MBTPS2: variants seen among roughly 807,000 people sequenced by gnomAD.
The protein encoded by MBTPS2 is membrane bound transcription factor peptidase, site 2.
MBTPS2 carries 2 observed loss-of-function variants against 35.4 expected under a neutral mutation model. That is an observed-to-expected ratio of 0.06 (90% confidence interval 0.02 to 0.18). The LOEUF is 0.18. MBTPS2 is among the 10% of genes least tolerant of loss of function. The pLI is 1.00. For synonymous variants in MBTPS2, 125 were observed against 140.4 expected, an observed-to-expected ratio of 0.89 and a Z score of 0.77; for missense variants, 244 against 386.5, an observed-to-expected ratio of 0.63 and a Z score of 3.09.
chrX:21,864,965 C>T (rs1274015706), intron 5 of MBTPS2, among the ~76,000 whole-genome samples: 1 of 104,313 alleles, frequency 9.6e-6, no homozygotes, highest in Non-Finnish European at 2.0e-5. Context: ...ACTGCAGCCT[C>T]GACCTCCTGG....
rs950072292 is a variant in MBTPS2 at position 21,856,425 on chromosome X, C to T, written c.670+2922C>T. 16 of 1,143,135 alleles carry T rather than the reference C, an allele frequency of 1.4e-5. No homozygotes were observed. In the African/African-American group the frequency reaches 2.3e-4, roughly 17 times the overall value. 94.2% of individuals were successfully genotyped at this position (1,143,135 alleles called of 1,213,427 possible). A position where few individuals can be genotyped will look rare whatever the true frequency, so the allele number is the denominator to read the frequency against. On this transcript the variant is annotated intron_variant, in intron 5 of 10. Coordinates refer to ENST00000379484, the MANE Select transcript of MBTPS2 (RefSeq NM_015884.4). ...TTCCTCTGCAGCTCCCACCTCACTC[C>T]CCTCAGCGTTCTTTTTCCCACGGTC...
intron 4 of MBTPS2, 68 bp downstream of exon 4, chrX:21,851,680 A>G: frequency 4.2e-6 from 3 of 716,167 alleles, no homozygotes; most frequent in Non-Finnish European, 6.8e-6. Context: ...AGGATTTATT[A>G]CTAAAATCTG....
intron 5 of MBTPS2, chrX:21,856,345 T>C (rs866423886): frequency 6.6e-5 from 34 of 517,918 alleles, no homozygotes; most frequent in African/African-American, 5.1e-4. Flanking sequence ...CTCGCGCCTT[T>C]CTCTGCAGCT....
intron 7 of MBTPS2, among the ~76,000 whole-genome samples, chrX:21,874,221 C>T (rs2092950671): frequency 9.4e-6 from 1 of 106,898 alleles, no homozygotes; most frequent in South Asian, 4.2e-4. Flanking sequence ...GACAGGGTTT[C>T]ACCATGTTGG....
intron 5 of MBTPS2, chrX:21,857,092 A>G (rs777965823): frequency 8.3e-7 from 1 of 1,211,956 alleles, no homozygotes; most frequent in Non-Finnish European, 1.1e-6. Flanking sequence ...GGTGAAGGCC[A>G]GGCTGAAAAC....
intron 5 of MBTPS2, among the ~76,000 whole-genome samples, chrX:21,853,926 C>A (rs902047426): frequency 9.0e-6 from 1 of 111,167 alleles, no homozygotes; most frequent in Non-Finnish European, 1.9e-5. Flanking sequence ...AGAGTTCAAT[C>A]AGAGAAACAG....
chrX:21,869,355 A>C, intron 6 of MBTPS2, 143 bp from the exon 7 acceptor site: 2 of 504,609 alleles, frequency 4.0e-6, no homozygotes, highest in Non-Finnish European at 7.0e-6. Flanking sequence ...TTAATTTTCT[A>C]GGACTATGTC....
At chrX:21,873,760 C>T (rs1291644385) in intron 7 of MBTPS2, among the ~76,000 whole-genome samples, 1 of 110,277 alleles carries the variant, frequency 9.1e-6, no homozygotes, top group Admixed American at 9.8e-5. Flanking sequence ...TGAGAGAAGA[C>T]CCTTCTTGAC....
At chrX:21,878,792 T>C (rs1160673287) in intron 9 of MBTPS2, 100 bp downstream of exon 9, 1 of 600,887 alleles carries the variant, frequency 1.7e-6, no homozygotes, top group Non-Finnish European at 2.8e-6. Flanking sequence ...ACATTTATTA[T>C]AAATTTGATC....
At chrX:21,859,006 G>A (rs1212697942) in intron 5 of MBTPS2, among the ~76,000 whole-genome samples, 3 of 109,146 alleles carry the variant, frequency 2.7e-5, no homozygotes, top group African/African-American at 1.0e-4. Flanking sequence ...AGGAGTTCAA[G>A]ACCAGCCTGT....
At chrX:21,846,733 T>C in intron 3 of MBTPS2, among the ~76,000 whole-genome samples, 1 of 111,833 alleles carries the variant, frequency 8.9e-6, no homozygotes, top group East Asian at 2.8e-4. Flanking sequence ...TTACTTACAG[T>C]TTTAAACCTC....
chrX:21,884,584 T>C lies in MBTPS2; in HGVS notation c.*1929T>C, dbSNP rs1293046315. On this transcript the variant is annotated 3_prime_UTR_variant, in exon 11 of 11. Transcript: ENST00000379484. The stretch of plus-strand genomic sequence containing the variant: ...ATAGGATCAGGATTTGGGAACCACT[T>C]TACTAGGAAAGAGCAGATCAGTACC... 1 of 752,476 alleles carries C rather than the reference T, an allele frequency of 1.3e-6. No homozygotes were observed. The highest frequency in any genetic ancestry group is 8.8e-5 in the Admixed American group (1 of 11,329). 62.0% of individuals were successfully genotyped at this position (752,476 alleles called of 1,213,427 possible). A position where few individuals can be genotyped will look rare whatever the true frequency, so the allele number is the denominator to read the frequency against.
chrX:21,882,751 A>C lies in MBTPS2; in HGVS notation c.*96A>C. On this transcript the variant is annotated 3_prime_UTR_variant, in exon 11 of 11. Transcript: ENST00000379484. ...AATTCTTACTTGGTATGAAATATAAAGTGTTTCCTTAAAATTACATCTTAG... is the reference window on the plus strand; with the variant it reads ...AATTCTTACTTGGTATGAAATATAACGTGTTTCCTTAAAATTACATCTTAG... The C allele has an allele frequency of 8.5e-7, 1 of 1,176,474 alleles. No individual in the cohort carries two copies. Among genetic ancestry groups the C allele is most frequent in the Non-Finnish European group, 1.1e-6 (1 of 874,597 alleles).
At position 21,883,533 on chromosome X, in the gene MBTPS2, G is replaced by A; in HGVS notation, c.*878G>A. ...ATTCTCTATAGAGCTTTGAAGCTTG[G>A]AACCCTTCCAGGGTAAACATTTTCT... On this transcript the variant is annotated 3_prime_UTR_variant, in exon 11 of 11. Coordinates refer to ENST00000379484, the MANE Select transcript of MBTPS2 (RefSeq NM_015884.4). 1.3e-6 allele frequency: 1 copy of A among 753,805 alleles called. No individual in the cohort carries two copies. The highest frequency in any genetic ancestry group is 1.6e-6 in the Non-Finnish European group (1 of 639,133). The allele number at this position is 753,805 out of a possible 1,213,427, so 62.1% of individuals were successfully genotyped here.
At position 21,882,972 on chromosome X, in the gene MBTPS2, A is replaced by C; in HGVS notation, c.*317A>C. The C allele has an allele frequency of 5.5e-6, 5 of 907,411 alleles. No homozygotes were observed. Among genetic ancestry groups the C allele is most frequent in the Non-Finnish European group, 5.5e-6 (4 of 733,251 alleles). 74.8% of individuals were successfully genotyped at this position (907,411 alleles called of 1,213,427 possible). On this transcript the variant is annotated 3_prime_UTR_variant, in exon 11 of 11. Transcript: ENST00000379484. ...GTCTGATTACATATTGTGTTGAAAT[A>C]GTATAAAGGAGAACAGAACTGGGTG...
At chrX:21,875,591 T>G (rs962498303) in intron 7 of MBTPS2, among the ~76,000 whole-genome samples, 3 of 112,457 alleles carry the variant, frequency 2.7e-5, no homozygotes, top group Non-Finnish European at 5.6e-5. Context: ...CTGTAAACAT[T>G]TTAAGATCAT....
chrX:21,841,324 G>C (rs1364131890), intron 1 of MBTPS2, among the ~76,000 whole-genome samples: 1 of 106,189 alleles, frequency 9.4e-6, no homozygotes, highest in Non-Finnish European at 1.9e-5. Flanking sequence ...TGGAGGCTGA[G>C]GTAGGAGGAT....
In MBTPS2 at chrX:21,862,933, C is replaced by CATATATATATATATATATATAT. The variant is rs542223686; in HGVS notation, c.671-5520_671-5499dup. On this transcript the variant is annotated intron_variant, in intron 5 of 10. Transcript: ENST00000379484. ...AAATATATAAACATATATATATAAACATATATATATATATATATATATATA... is the reference window on the plus strand; with the variant it reads ...AAATATATAAACATATATATATAAACATATATATATATATATATATATATATATATATATATATATATATATA... Among the ~76,000 whole-genome samples the CATATATATATATATATATATAT allele has an allele frequency of 7.7e-3, 212 of 27,639 alleles. 22 individuals are homozygous for CATATATATATATATATATATAT. The highest frequency in any genetic ancestry group is 0.014 in the Non-Finnish European group (157 of 11,500). 24.0% of individuals were successfully genotyped at this position (27,639 alleles called of 115,157 possible).
At chrX:21,870,157 C>T (rs2092945527) in intron 7 of MBTPS2, 1 of 104,468 alleles carries the variant, frequency 9.6e-6, no homozygotes, top group African/African-American at 3.6e-5. Context: ...AGGAGAATCG[C>T]TTGAACCCGG....
Sources: allele counts gnomAD v4.1 joint callset (sites outside exome capture counted in the v4.1 genomes callset), GRCh38; gene constraint gnomAD v4.1.1; transcripts MANE v1.5; gene names NCBI Gene and HGNC (gene_info 2026-07-23, HGNC 2026-07-21).